The following PLD5 variants were observed in gnomAD, a reference collection of about 807,000 sequenced individuals.
PLD5 encodes the protein phospholipase D family member 5, also known as inactive phospholipase D5.
PLD5 carries 36 observed loss-of-function variants against 61.1 expected under a neutral mutation model. The observed-to-expected ratio is 0.59, with a 90% CI of 0.45 to 0.78. PLD5 has a LOEUF of 0.78. PLD5 is among the 30% of genes least tolerant of loss of function. The probability of loss-of-function intolerance (pLI) is 0.00; values close to 1 mark genes in which losing one functional copy is unlikely to be tolerated. For synonymous variants in PLD5, 243 were observed against 242.8 expected (o/e 1.00, Z -0.01); for missense variants, 515 against 644.4 (o/e 0.80, Z 2.17).
chr1:242,302,019 G>T (rs1033591276), intron 2 of PLD5, among the ~76,000 whole-genome samples: 1 of 152,158 alleles, frequency 6.6e-6, no homozygotes, highest in Non-Finnish European at 1.5e-5. Flanking sequence ...GACCTCAGGT[G>T]ATCCGCCCAC....
chr1:242,432,849 G>A (rs1337601996), intron 1 of PLD5, among the ~76,000 whole-genome samples: 1 of 152,176 alleles, frequency 6.6e-6, no homozygotes, highest in East Asian at 1.9e-4. Flanking sequence ...ACAAAAGGCA[G>A]ACTTTCACAG....
Position 242,086,901 on chromosome 1 carries a change from T to A in PLD5, c.*2953A>T, listed in dbSNP as rs1659502819. ...ACCCTGCTCCTCATAATTTCTGGCA[T>A]GGACATCCACCAGAGGGTGTCAAAT... On this transcript the variant is annotated 3_prime_UTR_variant, in exon 10 of 10. Transcript: ENST00000536534. The A allele has an allele frequency of 6.6e-6, 1 of 152,146 alleles. No individual in the cohort carries two copies. Among genetic ancestry groups the A allele is most frequent in the Non-Finnish European group, 1.5e-5 (1 of 68,032 alleles). 9.4% of individuals were successfully genotyped at this position (152,146 alleles called of 1,614,324 possible).
At chr1:242,401,499 AC>A (rs1663932933) in intron 1 of PLD5, among the ~76,000 whole-genome samples, 1 of 151,878 alleles carries the variant, frequency 6.6e-6, no homozygotes, top group Non-Finnish European at 1.5e-5. Context: ...GGCCGCCGGG[AC>A]CCCACCTCTG....
intron 5 of PLD5, among the ~76,000 whole-genome samples, chr1:242,191,836 G>A (rs761969111): frequency 6.6e-6 from 1 of 151,414 alleles, no homozygotes; most frequent in South Asian, 2.1e-4. Context: ...AGGGAAGGAG[G>A]GGGTACAGAC....
rs575280649 is a variant in PLD5, at chr1:242,254,674, A to AACCACCACC, written c.607+10654_607+10662dup. ...AACAAGAGTGAAATTCGTCTCAAAC[A>AACCACCACC]ACCACCACCACCACCACCACCACTG... On this transcript the variant is annotated intron_variant, in intron 4 of 9. Transcript: ENST00000536534. 3.6e-3 allele frequency among the ~76,000 whole-genome samples: 543 copies of AACCACCACC among 152,090 alleles called. 8 individuals carry two copies. Among genetic ancestry groups the AACCACCACC allele is most frequent in the African/African-American group, 0.012 (518 of 41,484 alleles).
Position 242,524,099 on chromosome 1 carries a change from T to G in PLD5, c.178A>C (p.Lys60Gln). The part of the protein sequence containing the change: ...SASVWLRRKD[K>Q]LEHSQQKCIV... Reference sequence around the variant, plus strand: ...CGAGTCGCCCTTACGTGCTCCAGCTTGTCTTTCCTCCGAAGCCAGACGCTG... The same window carrying G: ...CGAGTCGCCCTTACGTGCTCCAGCTGGTCTTTCCTCCGAAGCCAGACGCTG... The change falls in exon 1 of 10, where the codon AAG (lysine) becomes CAG (glutamine). Residue 60 changes from lysine (K) to glutamine (Q), a missense_variant. Around this residue, in one of 2 missense-constraint regions of PLD5, gnomAD observed 450 missense variants for 598.1 expected, o/e 0.75. Coordinates refer to ENST00000536534, the MANE Select transcript of PLD5 (RefSeq NM_001372062.1). The G allele has an allele frequency of 6.5e-7, 1 of 1,534,864 alleles. No individual in the cohort carries two copies. The highest frequency in any genetic ancestry group is 8.7e-7 in the Non-Finnish European group (1 of 1,146,208).
chr1:242,207,087 A>G (rs573813740), intron 5 of PLD5, among the ~76,000 whole-genome samples: 1 of 152,214 alleles, frequency 6.6e-6, no homozygotes, highest in East Asian at 1.9e-4. Flanking sequence ...TGAAGCCTAC[A>G]CACAATATGG....
At chr1:242,248,754 C>T (rs973402840) in intron 4 of PLD5, among the ~76,000 whole-genome samples, 4 of 152,108 alleles carry the variant, frequency 2.6e-5, no homozygotes, top group African/African-American at 9.7e-5. Context: ...TCAAGAGGAA[C>T]CATAATTTAT....
intron 7 of PLD5, among the ~76,000 whole-genome samples, chr1:242,110,017 G>T (rs1280910347): frequency 6.7e-6 from 1 of 148,714 alleles, no homozygotes; most frequent in Non-Finnish European, 1.5e-5. Context: ...TGAGGCAGGA[G>T]AATCACATTA....
At chr1:242,297,786 C>T (rs1415529997) in intron 2 of PLD5, among the ~76,000 whole-genome samples, 1 of 150,668 alleles carries the variant, frequency 6.6e-6, no homozygotes, top group Non-Finnish European at 1.5e-5. Flanking sequence ...ACTACAGGCG[C>T]CCGCCACCGC....
intron 1 of PLD5, among the ~76,000 whole-genome samples, chr1:242,479,134 T>A (rs938834636): frequency 2.0e-5 from 3 of 152,212 alleles, no homozygotes; most frequent in African/African-American, 7.2e-5. Context: ...CAGTTAGGAA[T>A]CTGGACAAAC....
intron 1 of PLD5, among the ~76,000 whole-genome samples, chr1:242,431,259 G>T (rs1665701781): frequency 6.6e-6 from 1 of 152,154 alleles, no homozygotes; most frequent in Non-Finnish European, 1.5e-5. Context: ...CAGTTTTGGT[G>T]TAAAAGTTGC....
intron 2 of PLD5, among the ~76,000 whole-genome samples, chr1:242,320,143 T>C (rs376304707): frequency 7.5e-4 from 114 of 152,306 alleles, no homozygotes; most frequent in African/African-American, 2.7e-3. Flanking sequence ...ACAACACACA[T>C]ACACTGAGAT....
intron 5 of PLD5, among the ~76,000 whole-genome samples, chr1:242,168,734 G>C (rs1284553270): frequency 1.3e-5 from 2 of 151,826 alleles, no homozygotes; most frequent in Admixed American, 1.3e-4. Context: ...CTTTGATGTG[G>C]TATATGAAGT....
intron 2 of PLD5, among the ~76,000 whole-genome samples, chr1:242,300,739 ATGGGTTG>A (rs1261104209): frequency 2.8e-5 from 4 of 141,304 alleles, no homozygotes; most frequent in African/African-American, 5.2e-5. Context: ...TTTGTCAGAA[ATGGGTTG>A]CAGCGGGACA....
Position 242,245,310 on chromosome 1 carries a change from A to G in PLD5, c.607+20027T>C, listed in dbSNP as rs115017680. Among the ~76,000 whole-genome samples, 435 of 152,336 alleles carry G rather than the reference A, an allele frequency of 2.9e-3. 2 individuals carry two copies. The highest frequency in any genetic ancestry group is 0.01 in the African/African-American group (419 of 41,586). ...GCATGAACAATCTTGACTGAGGCAT[A>G]ATTATAGGAAATTTGCTTAAGGGAA... On this transcript the variant is annotated intron_variant, in intron 4 of 9. Transcript: ENST00000536534.
intron 1 of PLD5, among the ~76,000 whole-genome samples, chr1:242,404,605 C>T (rs1664121864): frequency 6.6e-6 from 1 of 152,074 alleles, no homozygotes; most frequent in Admixed American, 6.6e-5. Flanking sequence ...TAGACAGTTT[C>T]CTTAGTTGCT....
At chr1:242,265,110 T>C (rs1455709327) in intron 4 of PLD5, among the ~76,000 whole-genome samples, 1 of 152,200 alleles carries the variant, frequency 6.6e-6, no homozygotes, top group Non-Finnish European at 1.5e-5. Context: ...TATTGACCAG[T>C]AGATTATTTT....
At chr1:242,384,399 T>G (rs1487100464) in intron 1 of PLD5, among the ~76,000 whole-genome samples, 1 of 152,216 alleles carries the variant, frequency 6.6e-6, no homozygotes, top group Non-Finnish European at 1.5e-5. Context: ...GAAAGATGTA[T>G]TCTCTCTGCT....
Sources: allele counts gnomAD v4.1 joint callset (sites outside exome capture counted in the v4.1 genomes callset), GRCh38; gene constraint gnomAD v4.1.1; regional missense constraint gnomAD v4.1.1; transcripts MANE v1.5; gene names NCBI Gene and HGNC (gene_info 2026-07-23, HGNC 2026-07-21).